Variants in ATP12A observed in about 807,000 individuals in gnomAD.
ATP12A encodes the protein ATPase H+/K+ transporting non-gastric alpha2 subunit.
ATP12A carries 81 observed loss-of-function variants against 111.2 expected under a neutral mutation model. That is an observed-to-expected ratio of 0.73 (90% CI 0.61 to 0.88). The LOEUF (loss-of-function observed/expected upper bound fraction) is 0.88, where lower values mean the gene tolerates loss of function less well. Among genes scored for constraint, ATP12A ranks in the 40% least tolerant of loss-of-function variants. ATP12A has a pLI of 0.00. For synonymous variants in ATP12A, 498 were observed against 499.8 expected (o/e 1.00, Z 0.05); for missense variants, 1,196 against 1,313.1 (o/e 0.91, Z 1.38).
At chr13:24,701,501 C>CAAAAAAAAAAAAAAAAAAGAAAAAAAGAA (rs1875392624) in intron 13 of ATP12A, among the ~76,000 whole-genome samples, 1 of 101,398 alleles carries the variant, frequency 9.9e-6, no homozygotes, top group Non-Finnish European at 2.0e-5. Context: ...AACTCTGTCT[C>CAAAAAAAAAAAAAAAAAAGAAAAAAAGAA]AAAAAAAAAA....
Position 24,711,899 on chromosome 13 carries a change from A to C in ATP12A, c.*377A>C. On this transcript the variant is annotated 3_prime_UTR_variant, in exon 23 of 23. Coordinates refer to ENST00000381946, the MANE Select transcript of ATP12A (RefSeq NM_001676.7). ...AGGATTGCTCAGAACTCCTTTCCAC[A>C]CCCTATTAAAGGCCCCATGACCTCC... The C allele has an allele frequency of 3.7e-6, 1 of 268,850 alleles. No individual in the cohort carries two copies. The allele number at this position is 268,850 out of a possible 1,614,324, so 16.7% of individuals were successfully genotyped here.
At chr13:24,683,989 G>C (rs947100073) in intron 2 of ATP12A, among the ~76,000 whole-genome samples, 2 of 152,156 alleles carry the variant, frequency 1.3e-5, no homozygotes, top group Admixed American at 1.3e-4. Context: ...AGTGACCCGA[G>C]GGGTGGGTGG....
At chr13:24,689,439 A>G (rs1593133063) in intron 5 of ATP12A, 64 bp downstream of exon 5, 1 of 1,414,982 alleles carries the variant, frequency 7.1e-7, no homozygotes, top group Non-Finnish European at 1.0e-6. Flanking sequence ...CTCAGCTGGG[A>G]GGGGCACAGG....
intron 19 of ATP12A, 43 bp downstream of exon 19, chr13:24,709,871 C>A: frequency 6.2e-7 from 1 of 1,608,528 alleles, no homozygotes; most frequent in Non-Finnish European, 8.5e-7. Flanking sequence ...CTGATTCTCT[C>A]CATGCTCATT....
rs1874836610 is a variant in ATP12A, at chr13:24,690,460, T to C, written c.669T>C (p.Ser223=). Residue 223 remains serine (S), a synonymous_variant, in exon 6 of 23, where the codon TCT becomes TCC. Transcript: ENST00000381946. ...CTGCAGACATCAGGGTGCTGTCTTCTCAGGGGTGTCGGGTAAGCGGCAAGG... is the reference window on the plus strand; with the variant it reads ...CTGCAGACATCAGGGTGCTGTCTTCCCAGGGGTGTCGGGTAAGCGGCAAGG... ...QIPADIRVLS[S]QGCRVDNSSL... is the part of the protein sequence containing the mutation. The C allele has an allele frequency of 6.2e-7, 1 of 1,613,748 alleles. No individual in the cohort carries two copies. The highest frequency in any genetic ancestry group is 8.5e-7 in the Non-Finnish European group (1 of 1,179,926).
intron 5 of ATP12A, 100 bp downstream of exon 5, chr13:24,689,475 T>A (rs1874791479): frequency 5.1e-6 from 5 of 984,694 alleles, no homozygotes; most frequent in South Asian, 4.3e-5. Flanking sequence ...GGTTTCCACT[T>A]CCTTCCCTGT....
At chr13:24,695,045 G>C (rs10219963) in intron 11 of ATP12A, among the ~76,000 whole-genome samples, 47,453 of 152,094 alleles carry the variant, frequency 0.31, 7,739 homozygotes, top group Middle Eastern at 0.43. Context: ...GTTCGCATCC[G>C]GCCTGTGAGG....
chr13:24,683,566 G>A (rs1174677144), intron 2 of ATP12A, among the ~76,000 whole-genome samples: 2 of 152,134 alleles, frequency 1.3e-5, no homozygotes, highest in Admixed American at 6.5e-5. Context: ...TGGAGAGTTT[G>A]TTAAACATTT....
At position 24,688,343 on chromosome 13, in the gene ATP12A, G is replaced by C; in HGVS notation, c.253G>C (p.Glu85Gln). Residue 85 changes from glutamate to glutamine, a missense_variant, in exon 4 of 23, where the codon GAG becomes CAG. Physicochemically the swap from Glu to Gln is conservative, Grantham distance 29. This residue lies in a region of ATP12A where 1,126 missense variants were observed against 1,228.5 expected (regional missense o/e 0.92). Coordinates refer to ENST00000381946, the MANE Select transcript of ATP12A (RefSeq NM_001676.7). Reference sequence around the variant, plus strand: ...GGGTCTCTCCAGCACCAGAGCTGCCGAGCTCCTGGCCCGGGATGGGCCCAA... The same window carrying C: ...GGGTCTCTCCAGCACCAGAGCTGCCCAGCTCCTGGCCCGGGATGGGCCCAA... Reference protein sequence around the residue: ...IMGLSSTRAAELLARDGPNSL... With the variant: ...IMGLSSTRAAQLLARDGPNSL... The C allele has an allele frequency of 1.2e-6, 2 of 1,613,860 alleles. No individual in the cohort carries two copies. Among genetic ancestry groups the C allele is most frequent in the Non-Finnish European group, 1.7e-6 (2 of 1,179,896 alleles).
chr13:24,695,238 G>A (rs141945383), intron 11 of ATP12A, among the ~76,000 whole-genome samples: 314 of 152,338 alleles, frequency 2.1e-3, no homozygotes, highest in African/African-American at 7.2e-3. Context: ...TGGGGAGACC[G>A]GTGAGCAGCC....
chr13:24,706,340 C>T lies in ATP12A; in HGVS notation c.2046C>T (p.Gly682=), dbSNP rs372045579. 53 of 1,614,018 alleles carry T rather than the reference C, an allele frequency of 3.3e-5. No individual in the cohort carries two copies. Among genetic ancestry groups the T allele is most frequent in the East Asian group, 2.0e-4 (9 of 44,896 alleles). The change falls in exon 15 of 23, where the codon GGC becomes GGT. Residue 682 remains glycine, a synonymous_variant. Coordinates refer to ENST00000381946, the MANE Select transcript of ATP12A (RefSeq NM_001676.7). The stretch of plus-strand genomic sequence containing the variant: ...ATGCCAAGGCCGCTGTGGTGACTGG[C>T]ATGGAGCTGAAGGACATGAGCTCAG... ...KRDAKAAVVT[G]MELKDMSSEQ...
In ATP12A at chr13:24,709,436, A is replaced by G. The variant is rs1245357240; in HGVS notation, c.2566A>G (p.Lys856Glu). ...IMNRKPRHKN[K>E]DRLVNQPLAV... ...GAACAGGAAGCCTCGCCACAAGAATAAGGACAGGCTGGTGAACCAGCCGCT... is the reference window on the plus strand; with the variant it reads ...GAACAGGAAGCCTCGCCACAAGAATGAGGACAGGCTGGTGAACCAGCCGCT... The change falls in exon 18 of 23, where the codon AAG becomes GAG. Residue 856 changes from lysine to glutamate, a missense_variant. Transcript: ENST00000381946. 1.2e-6 allele frequency: 2 copies of G among 1,614,084 alleles called. No homozygotes were observed. Among genetic ancestry groups the G allele is most frequent in the Non-Finnish European group, 1.7e-6 (2 of 1,180,016 alleles).
chr13:24,701,501 C>CAAAAAAAAAAAAAAAAAAAAAAAAAAAAA (rs10586421), intron 13 of ATP12A, among the ~76,000 whole-genome samples: 1 of 101,400 alleles, frequency 9.9e-6, no homozygotes, highest in African/African-American at 3.7e-5. Flanking sequence ...AACTCTGTCT[C>CAAAAAAAAAAAAAAAAAAAAAAAAAAAAA]AAAAAAAAAA....
chr13:24,680,679 C>T lies in ATP12A; in HGVS notation c.-65C>T, dbSNP rs1874395411. 2.0e-6 allele frequency: 3 copies of T among 1,492,978 alleles called. No individual in the cohort carries two copies. In the Admixed American group the frequency reaches 6.3e-5, roughly 31 times the overall value. 92.5% of individuals were successfully genotyped at this position (1,492,978 alleles called of 1,614,324 possible). The stretch of plus-strand genomic sequence containing the variant: ...CAGCCACACGAGGCCCCCCACCGTG[C>T]GCTCCGCCGCTGCGGTCCCGGATCC... On this transcript the variant is annotated 5_prime_UTR_variant, in exon 1 of 23. Coordinates refer to ENST00000381946, the MANE Select transcript of ATP12A (RefSeq NM_001676.7).
At chr13:24,694,690 T>C in intron 11 of ATP12A, 112 bp downstream of exon 11, 3 of 1,526,278 alleles carry the variant, frequency 2.0e-6, no homozygotes, top group South Asian at 2.4e-5. Context: ...TCAAAGACAG[T>C]CGTCAGGGAT....
rs760975839 is a variant in ATP12A, at chr13:24,711,499, T to C, written c.3097T>C (p.Trp1033Arg). The C allele has an allele frequency of 1.9e-6, 3 of 1,613,784 alleles. No individual in the cohort carries two copies. Among genetic ancestry groups the C allele is most frequent in the South Asian group, 2.2e-5 (2 of 91,084 alleles). The change falls in exon 23 of 23, where the codon TGG becomes CGG. Residue 1033 changes from tryptophan (W) to arginine (R), a missense_variant. Trp to Arg is a moderately radical substitution (Grantham distance 101, BLOSUM62 -3). Transcript: ENST00000381946. ...LFIRLYPGSW[W>R]DKNMYY Reference sequence around the variant, plus strand: ...ACTTTTTTCTACCTCTACAGGCTGGTGGGATAAGAACATGTATTATTAAGA... The same window carrying C: ...ACTTTTTTCTACCTCTACAGGCTGGCGGGATAAGAACATGTATTATTAAGA...
At position 24,690,657 on chromosome 13, in the gene ATP12A, G is replaced by A. The variant is rs150066864; in HGVS notation, c.735G>A (p.Glu245=). The A allele has an allele frequency of 4.0e-4, 644 of 1,613,878 alleles. 1 individual carries two copies. The highest frequency in any genetic ancestry group is 4.9e-4 in the Non-Finnish European group (584 of 1,179,990). The change falls in exon 7 of 23, where the codon GAG becomes GAA. Residue 245 remains glutamate (E), a synonymous_variant. Coordinates refer to ENST00000381946, the MANE Select transcript of ATP12A (RefSeq NM_001676.7). The stretch of plus-strand genomic sequence containing the variant: ...CTGAGCCCCAGCCCCGCTCCTCTGA[G>A]TTTACCCATGAAAACCCCCTGGAAA... The part of the protein sequence containing the change: ...GESEPQPRSS[E]FTHENPLETK...
In ATP12A at chr13:24,706,324, C is replaced by T; in HGVS notation, c.2030C>T (p.Ala677Val). Residue 677 changes from alanine (A) to valine (V), a missense_variant, in exon 15 of 23, where the codon GCC becomes GTC. Physicochemically the swap from Ala to Val is moderately conservative, Grantham distance 64. Around this residue, in one of 3 missense-constraint regions of ATP12A, gnomAD observed 1,126 missense variants for 1,228.5 expected, o/e 0.92. Coordinates refer to ENST00000381946, the MANE Select transcript of ATP12A (RefSeq NM_001676.7). ...VEQVNKRDAKAAVVTGMELKD... is the reference protein window; with the variant it reads ...VEQVNKRDAKVAVVTGMELKD... ...TCTGGCCCTTCTAGGGATGCCAAGG[C>T]CGCTGTGGTGACTGGCATGGAGCTG... 1 of 1,614,036 alleles carries T rather than the reference C, an allele frequency of 6.2e-7. No homozygotes were observed. Among genetic ancestry groups the T allele is most frequent in the Non-Finnish European group, 8.5e-7 (1 of 1,179,908 alleles).
At chr13:24,704,642 T>G (rs563429048) in intron 14 of ATP12A, 1 of 183,258 alleles carries the variant, frequency 5.5e-6, no homozygotes, top group East Asian at 1.7e-4. Flanking sequence ...TGGATGGAAC[T>G]GTGCTTGTAG....
Sources: gnomAD v4.1 joint callset for allele counts (sites outside exome capture counted in the v4.1 genomes callset) on GRCh38, gnomAD v4.1.1 for gene constraint, gnomAD v4.1.1 regional missense constraint, MANE v1.5 for transcripts, NCBI Gene and HGNC (gene_info 2026-07-23, HGNC 2026-07-21) for gene names.